The following PHOX2B variants were observed in gnomAD, a reference collection of about 807,000 sequenced individuals.
PHOX2B encodes the protein paired mesoderm homeobox protein 2B.
In PHOX2B, 1 loss-of-function variant was observed where a neutral mutation model predicts 15.5. The observed-to-expected ratio is 0.06, with a 90% CI of 0.02 to 0.31. The LOEUF (loss-of-function observed/expected upper bound fraction) is 0.31, where lower values mean the gene tolerates loss of function less well. Among genes scored for constraint, PHOX2B ranks in the 10% least tolerant of loss-of-function variants. The probability of loss-of-function intolerance (pLI) is 1.00; values close to 1 mark genes in which losing one functional copy is unlikely to be tolerated. For synonymous variants in PHOX2B, 206 were observed against 190.5 expected (o/e 1.08, Z -0.67); for missense variants, 314 against 436.4 (o/e 0.72, Z 2.50).
rs1263133609 is a variant in PHOX2B, at chr4:41,745,625, G to T, written c.*182C>A. ...GGGGTTGAGGAAGGGGGTAGGAGTG[G>T]GGTTGAAATGAGGGCGACGCCGTTT... On this transcript the variant is annotated 3_prime_UTR_variant, in exon 3 of 3. Coordinates refer to ENST00000226382, the MANE Select transcript of PHOX2B (RefSeq NM_003924.4). This position sits in a 1 kb window ranked among gnomAD's most constrained non-coding sequence, Gnocchi z 4.0. 3 of 680,450 alleles carry T rather than the reference G, an allele frequency of 4.4e-6. No homozygotes were observed. The highest frequency in any genetic ancestry group is 7.0e-6 in the Non-Finnish European group (3 of 431,010). The allele number at this position is 680,450 out of a possible 1,614,324, so 42.2% of individuals were successfully genotyped here.
chr4:41,746,357 G>T, intron 2 of PHOX2B, 35 bp from the exon 3 acceptor site: 4 of 1,609,966 alleles, frequency 2.5e-6, no homozygotes, highest in African/African-American at 1.3e-5. Flanking sequence ...GGTGAAGCAG[G>T]GGGAGAAAGA....
At chr4:41,746,494 T>A (rs2196822) in intron 2 of PHOX2B, among the ~76,000 whole-genome samples, 172 bp from the exon 3 acceptor site, 1 of 151,876 alleles carries the variant, frequency 6.6e-6, no homozygotes, top group Non-Finnish European at 1.5e-5. Flanking sequence ...CGCTTCTTAT[T>A]GCTGTGCATT....
In PHOX2B at chr4:41,747,651, C is replaced by T. The variant is rs6811325; in HGVS notation, c.242-115G>A. ...TCATACGGCAGCCGCTACCTACACC[C>T]GCGCGAGAGAGTTGCCGAGAGAAGC... On this transcript the variant is annotated intron_variant, in intron 1 of 2. Coordinates refer to ENST00000226382, the MANE Select transcript of PHOX2B (RefSeq NM_003924.4). The T allele has an allele frequency of 0.31, 259,011 of 829,966 alleles. 45,101 individuals are homozygous for T. The highest frequency in any genetic ancestry group is 0.6 in the African/African-American group (36,167 of 60,018). 51.4% of individuals were successfully genotyped at this position (829,966 alleles called of 1,614,324 possible). A position where few individuals can be genotyped will look rare whatever the true frequency, so the allele number is the denominator to read the frequency against.
At chr4:41,747,313 T>G (rs766544036) in intron 2 of PHOX2B, 36 bp downstream of exon 2, 5 of 1,566,824 alleles carry the variant, frequency 3.2e-6, no homozygotes, top group Non-Finnish European at 3.5e-6. Flanking sequence ...CCCGGACCAG[T>G]GCGGCGGAGC....
intron 1 of PHOX2B, 106 bp from the exon 2 acceptor site, chr4:41,747,642 A>G (rs536904321): frequency 1.2e-5 from 11 of 901,846 alleles, no homozygotes; most frequent in Non-Finnish European, 1.6e-5. Context: ...GGCAGCCGCT[A>G]CCTACACCCG....
rs540304746 is a variant in PHOX2B at position 41,745,265 on chromosome 4, T to C, written c.*542A>G. ...CCCCTCCTTTAATTTGTCTTTTTTT[T>C]CCTTATGTTTTTTAAACCTTTCTGG... is the stretch of plus-strand genomic sequence containing the variant. On this transcript the variant is annotated 3_prime_UTR_variant, in exon 3 of 3. Transcript: ENST00000226382. The surrounding 1 kb of genome is among the most constrained non-coding windows in gnomAD (Gnocchi z 4.0). 8.6e-6 allele frequency: 2 copies of C among 233,650 alleles called. No individual in the cohort carries two copies. The highest frequency in any genetic ancestry group is 6.0e-5 in the East Asian group (1 of 16,596). The allele number at this position is 233,650 out of a possible 1,614,324, so 14.5% of individuals were successfully genotyped here.
At position 41,745,823 on chromosome 4, in the gene PHOX2B, T is replaced by C. The variant is rs767873201; in HGVS notation, c.929A>G (p.Lys310Arg). The change falls in exon 3 of 3, where the codon AAG becomes AGG. Residue 310 changes from lysine to arginine, a missense_variant. By Grantham distance (26) the Lys-to-Arg change is conservative. This residue lies in a region of PHOX2B where 157 missense variants were observed against 169.0 expected (regional missense o/e 0.93). Coordinates refer to ENST00000226382, the MANE Select transcript of PHOX2B (RefSeq NM_003924.4). This position sits in a 1 kb window ranked among gnomAD's most constrained non-coding sequence, Gnocchi z 4.0. ...RPNGAKAALV[K>R]SSMF ...GATTCCAGATCAGAACATACTGCTC[T>C]TCACTAAGGCGGCTTTGGCACCGTT... The C allele has an allele frequency of 1.7e-5, 27 of 1,608,318 alleles. No individual in the cohort carries two copies. The highest frequency in any genetic ancestry group is 2.3e-5 in the Non-Finnish European group (27 of 1,177,506).
Position 41,744,840 on chromosome 4 carries a change from A to AG in PHOX2B, c.*966dup, listed in dbSNP as rs962507653. 4 of 233,592 alleles carry AG rather than the reference A, an allele frequency of 1.7e-5. No individual in the cohort carries two copies. Among genetic ancestry groups the AG allele is most frequent in the Non-Finnish European group, 3.4e-5 (4 of 118,076 alleles). 14.5% of individuals were successfully genotyped at this position (233,592 alleles called of 1,614,324 possible). On this transcript the variant is annotated 3_prime_UTR_variant, in exon 3 of 3. Transcript: ENST00000226382. ...AATGCCGACGGGGTAGGCGGGAGCG[A>AG]GGGGGAAAAAAAGAGTTGCGAAACA...
At position 41,746,095 on chromosome 4, in the gene PHOX2B, G is replaced by T. The variant is rs1194972256; in HGVS notation, c.657C>A (p.Ser219Arg). ...CCGCCGCCCCCGGAGCTCCAGCCGG[G>T]CTGGGCCCGCCGCCGCCGCCTCCAT... ...GANGGGGGGP[S>R]PAGAPGAAGP... The change falls in exon 3 of 3, where the codon AGC becomes AGA. Residue 219 changes from serine to arginine, a missense_variant. By Grantham distance (110) the Ser-to-Arg change is moderately radical. This residue lies in a region of PHOX2B where 157 missense variants were observed against 169.0 expected (regional missense o/e 0.93). Coordinates refer to ENST00000226382, the MANE Select transcript of PHOX2B (RefSeq NM_003924.4). 2 of 1,571,390 alleles carry T rather than the reference G, an allele frequency of 1.3e-6. No individual in the cohort carries two copies. Among genetic ancestry groups the T allele is most frequent in the Admixed American group, 1.7e-5 (1 of 57,534 alleles).
rs1733881745 is a variant in PHOX2B, at chr4:41,746,018, G to A, written c.734C>T (p.Ala245Val). The A allele has an allele frequency of 2.6e-6, 3 of 1,153,208 alleles. No individual in the cohort carries two copies. Among genetic ancestry groups the A allele is most frequent in the Non-Finnish European group, 3.2e-6 (3 of 940,378 alleles). 71.4% of individuals were successfully genotyped at this position (1,153,208 alleles called of 1,614,324 possible). ...CGCCGCCGCCGCTGCCGCGGCCGCC[G>A]CCGCTGCTGCTGCGCCGCCCTTGCC... ...EPGKGGAAAA[A>V]AAAAAAAAAA... The change falls in exon 3 of 3, where the codon GCG becomes GTG. Residue 245 changes from alanine (A) to valine (V), a missense_variant. By Grantham distance (64) the Ala-to-Val change is moderately conservative. Coordinates refer to ENST00000226382, the MANE Select transcript of PHOX2B (RefSeq NM_003924.4).
Position 41,745,566 on chromosome 4 carries a change from G to A in PHOX2B, c.*241C>T. ...GGCCCCGCTGCGAGGCCCCAGGCAG[G>A]TGCGAAGCCAGGGAAGTTTGTTTGT... On this transcript the variant is annotated 3_prime_UTR_variant, in exon 3 of 3. Transcript: ENST00000226382. This position sits in a 1 kb window ranked among gnomAD's most constrained non-coding sequence, Gnocchi z 4.0. The A allele has an allele frequency of 2.0e-6, 1 of 489,512 alleles. No individual in the cohort carries two copies. The highest frequency in any genetic ancestry group is 2.4e-5 in the South Asian group (1 of 41,384). The allele number at this position is 489,512 out of a possible 1,614,324, so 30.3% of individuals were successfully genotyped here.
In PHOX2B at chr4:41,748,537, C is replaced by T; in HGVS notation, c.74G>A (p.Ser25Asn). ...GAAGTCAGCATAGGCTGAAGCCAGG[C>T]TCGAGGTGTCCATCCCAGCCATACA... Reference protein sequence around the residue: ...ESCMAGMDTSSLASAYADFSS... With the variant: ...ESCMAGMDTSNLASAYADFSS... Residue 25 changes from serine (S) to asparagine (N), a missense_variant, in exon 1 of 3, where the codon AGC becomes AAC. Ser to Asn is a conservative substitution (Grantham distance 46). Coordinates refer to ENST00000226382, the MANE Select transcript of PHOX2B (RefSeq NM_003924.4). The T allele has an allele frequency of 1.2e-6, 2 of 1,614,064 alleles. No individual in the cohort carries two copies. The highest frequency in any genetic ancestry group is 1.7e-6 in the Non-Finnish European group (2 of 1,179,952).
rs1577560190 is a variant in PHOX2B, at chr4:41,747,361, C to T, written c.417G>A (p.Glu139=). The T allele has an allele frequency of 3.1e-6, 5 of 1,607,290 alleles. No individual in the cohort carries two copies. Among genetic ancestry groups the T allele is most frequent in the Non-Finnish European group, 4.2e-6 (5 of 1,179,926 alleles). ...CAGGCGCGCGTACCTGGACTCGCGC[C>T]TCTGTGAGGTCGATCTTCAGGGCCA... The part of the protein sequence containing the change: ...EELALKIDLT[E]ARVQVWFQNR... Residue 139 remains glutamate, a synonymous_variant, in exon 2 of 3, where the codon GAG becomes GAA. Coordinates refer to ENST00000226382, the MANE Select transcript of PHOX2B (RefSeq NM_003924.4).
rs569211044 is a variant in PHOX2B at position 41,744,127 on chromosome 4, C to T, written c.*1680G>A. 7 of 169,962 alleles carry T rather than the reference C, an allele frequency of 4.1e-5. No individual in the cohort carries two copies. In the South Asian group the frequency reaches 1.5e-3, roughly 35 times the overall value. 10.5% of individuals were successfully genotyped at this position (169,962 alleles called of 1,614,324 possible). On this transcript the variant is annotated 3_prime_UTR_variant, in exon 3 of 3. Transcript: ENST00000226382. ...ATTATCAACAATCAAGTTAATGGTA[C>T]ACTCTTGGAAAACTATATGCACATG... is the stretch of plus-strand genomic sequence containing the variant.
At position 41,745,902 on chromosome 4, in the gene PHOX2B, G is replaced by A; in HGVS notation, c.850C>T (p.Pro284Ser). The change falls in exon 3 of 3, where the codon CCG (proline) becomes TCG (serine). Residue 284 changes from proline (P) to serine (S), a missense_variant. This residue lies in a region of PHOX2B where 157 missense variants were observed against 169.0 expected (regional missense o/e 0.93). Transcript: ENST00000226382. The surrounding 1 kb of genome is among the most constrained non-coding windows in gnomAD (Gnocchi z 4.0). ...APGPGPITSIPDSLGGPFASV... is the reference protein window; with the variant it reads ...APGPGPITSISDSLGGPFASV... ...GCGAAGGGACCCCCAAGCGAATCCG[G>A]GATGGAGGTGATGGGGCCGGGGCCG... The A allele has an allele frequency of 6.2e-7, 1 of 1,606,838 alleles. No individual in the cohort carries two copies. Among genetic ancestry groups the A allele is most frequent in the African/African-American group, 1.3e-5 (1 of 74,262 alleles).
At position 41,745,993 on chromosome 4, in the gene PHOX2B, C is replaced by T. The variant is rs1018522821; in HGVS notation, c.759G>A (p.Ala253=). Residue 253 remains alanine (A), a synonymous_variant, in exon 3 of 3, where the codon GCG becomes GCA. Transcript: ENST00000226382. The surrounding 1 kb of genome is among the most constrained non-coding windows in gnomAD (Gnocchi z 4.0). ...CTCCAGCTGCCGCCGCTGCCGCTGC[C>T]GCCGCCGCCGCTGCCGCGGCCGCCG... ...AAAAAAAAAA[A]AAAAAAAGGL... The T allele has an allele frequency of 2.2e-5, 27 of 1,209,260 alleles. No homozygotes were observed. The highest frequency in any genetic ancestry group is 2.7e-5 in the Non-Finnish European group (26 of 974,582). The allele number at this position is 1,209,260 out of a possible 1,614,324, so 74.9% of individuals were successfully genotyped here.
At chr4:41,748,235 A>G in intron 1 of PHOX2B, 135 bp downstream of exon 1, 1 of 982,802 alleles carries the variant, frequency 1.0e-6, no homozygotes, top group Non-Finnish European at 1.5e-6. Flanking sequence ...TTCTAACGTG[A>G]TAAATTCTTT....
At chr4:41,747,699 T>G in intron 1 of PHOX2B, 163 bp from the exon 2 acceptor site, 1 of 718,300 alleles carries the variant, frequency 1.4e-6, no homozygotes, top group Non-Finnish European at 2.5e-6. Context: ...CCGAGGAAAT[T>G]TGTTATCTGC....
Position 41,744,398 on chromosome 4 carries a change from CAAG to C in PHOX2B, c.*1406_*1408del, listed in dbSNP as rs1276110943. ...CCATAAAGACACGCCATAGAGACTACAAGAAGAGAAAAACATTATACGGTCACG... is the reference window on the plus strand; with the variant it reads ...CCATAAAGACACGCCATAGAGACTACAAGAGAAAAACATTATACGGTCACG... On this transcript the variant is annotated 3_prime_UTR_variant, in exon 3 of 3. Transcript: ENST00000226382. 1 of 230,746 alleles carries C rather than the reference CAAG, an allele frequency of 4.3e-6. No homozygotes were observed. The highest frequency in any genetic ancestry group is 2.2e-5 in the African/African-American group (1 of 45,130). The allele number at this position is 230,746 out of a possible 1,614,324, so 14.3% of individuals were successfully genotyped here.
Sources: allele counts gnomAD v4.1 joint callset (sites outside exome capture counted in the v4.1 genomes callset), GRCh38; gene constraint gnomAD v4.1.1; regional missense constraint gnomAD v4.1.1; non-coding constraint Gnocchi (gnomAD v3.1); transcripts MANE v1.5; gene names NCBI Gene and HGNC (gene_info 2026-07-23, HGNC 2026-07-21).